PTPRT: variants seen among roughly 807,000 people sequenced by gnomAD.
The protein encoded by PTPRT is protein tyrosine phosphatase receptor type T, also known as receptor-type tyrosine-protein phosphatase T.
Under a neutral mutation model 176.8 loss-of-function variants are expected in PTPRT, and 56 were observed. The ratio of observed to expected loss-of-function variants is 0.32; its 90% confidence interval spans 0.26 to 0.40. The LOEUF is 0.40. PTPRT is among the 10% of genes least tolerant of loss of function. PTPRT has a pLI of 1.00. For synonymous variants in PTPRT, 783 were observed against 739.0 expected (o/e 1.06, Z -0.96); for missense variants, 1,540 against 1,908.2 (o/e 0.81, Z 3.60).
chr20:42,167,619 G>T (rs1480859103), intron 16 of PTPRT, among the ~76,000 whole-genome samples: 1 of 152,218 alleles, frequency 6.6e-6, no homozygotes, highest in African/African-American at 2.4e-5. Context: ...GCTAGCGACT[G>T]CTCATTGAGA....
chr20:42,576,379 C>T (rs766969158), intron 7 of PTPRT, among the ~76,000 whole-genome samples: 16 of 152,190 alleles, frequency 1.1e-4, no homozygotes, highest in Admixed American at 8.5e-4. Flanking sequence ...AACATATCTA[C>T]GCCTTGCAGC....
intron 7 of PTPRT, among the ~76,000 whole-genome samples, chr20:42,661,947 T>A (rs191926257): frequency 6.6e-6 from 1 of 152,190 alleles, no homozygotes; most frequent in Admixed American, 6.5e-5. Flanking sequence ...AGGGTGCCCT[T>A]GGCTTCCTCT....
chr20:42,738,151 T>C (rs1195478538), intron 6 of PTPRT, among the ~76,000 whole-genome samples: 1 of 152,144 alleles, frequency 6.6e-6, no homozygotes, highest in Non-Finnish European at 1.5e-5. Flanking sequence ...GACTTGCTTT[T>C]GAGCCGTAAA....
the PTPRT span, among the ~76,000 whole-genome samples, chr20:42,056,931 C>G: frequency 2.0e-5 from 3 of 152,176 alleles, no homozygotes; most frequent in African/African-American, 7.2e-5. Flanking sequence ...TGACTTCCTT[C>G]GGTTACTGAG....
In PTPRT at chr20:42,856,006, C is replaced by T. The variant is rs148649083; in HGVS notation, c.214+29801G>A. On this transcript the variant is annotated intron_variant, in intron 2 of 30. Coordinates refer to ENST00000373187, the MANE Select transcript of PTPRT (RefSeq NM_007050.6). ...AAATGAATGGGTTTAGAAAAACAAA[C>T]GACAAAAGTCCATGAAACAGAAGGA... Among the ~76,000 whole-genome samples the T allele has an allele frequency of 2.0e-4, 30 of 152,102 alleles. No homozygotes were observed. In the East Asian group the frequency reaches 4.1e-3, roughly 21 times the overall value.
chr20:42,342,400 G>A (rs186634352), intron 11 of PTPRT, among the ~76,000 whole-genome samples: 1 of 152,324 alleles, frequency 6.6e-6, no homozygotes, highest in Non-Finnish European at 1.5e-5. Context: ...CCCAGGTTAT[G>A]TCTGGGTATC....
intron 6 of PTPRT, among the ~76,000 whole-genome samples, chr20:42,749,679 C>T (rs1229434943): frequency 6.6e-6 from 1 of 152,212 alleles, no homozygotes; most frequent in Non-Finnish European, 1.5e-5. Flanking sequence ...CTAACATTAA[C>T]TGACCATGCA....
Position 42,462,404 on chromosome 20 carries a change from AGGAAATCAGAT to A in PTPRT, c.1450+9851_1450+9861del, listed in dbSNP as rs79802084. ...ACGGAAGGAAAGACCTAGCACAGGCAGGAAATCAGATGGAGCTAGGGTTGTGAATAGCTGGA... is the reference window on the plus strand; with the variant it reads ...ACGGAAGGAAAGACCTAGCACAGGCAGGAGCTAGGGTTGTGAATAGCTGGA... On this transcript the variant is annotated intron_variant, in intron 8 of 30. Transcript: ENST00000373187. 8.7e-3 allele frequency among the ~76,000 whole-genome samples: 1,322 copies of A among 152,332 alleles called. 11 individuals are homozygous for A. Among genetic ancestry groups the A allele is most frequent in the Middle Eastern group, 0.014 (4 of 294 alleles).
chr20:42,801,223 G>A (rs1203268270), intron 2 of PTPRT, among the ~76,000 whole-genome samples: 1 of 152,164 alleles, frequency 6.6e-6, no homozygotes, highest in African/African-American at 2.4e-5. Flanking sequence ...AGCCCATGCT[G>A]CAAGCACTGA....
At chr20:43,082,795 T>C (rs993917402) in intron 1 of PTPRT, among the ~76,000 whole-genome samples, 4 of 152,154 alleles carry the variant, frequency 2.6e-5, no homozygotes, top group Non-Finnish European at 5.9e-5. Context: ...AGTTGTCTTA[T>C]CTGAGTTCCT....
chr20:43,023,649 C>A (rs1453737421), intron 1 of PTPRT, among the ~76,000 whole-genome samples: 1 of 152,192 alleles, frequency 6.6e-6, no homozygotes, highest in Non-Finnish European at 1.5e-5. Flanking sequence ...AGGCAGAGAG[C>A]TGCCTGAGCA....
intron 7 of PTPRT, among the ~76,000 whole-genome samples, chr20:42,646,402 C>A (rs2074900785): frequency 6.6e-6 from 1 of 152,100 alleles, no homozygotes; most frequent in African/African-American, 2.4e-5. Context: ...TGCTTTCCTG[C>A]TACAACAGAA....
intron 7 of PTPRT, among the ~76,000 whole-genome samples, chr20:42,568,538 C>G (rs933476616): frequency 6.6e-6 from 1 of 152,184 alleles, no homozygotes; most frequent in Admixed American, 6.5e-5. Context: ...CCAGGCTGTG[C>G]TAAGAACTGT....
chr20:42,842,920 T>G (rs1299249768), intron 2 of PTPRT, among the ~76,000 whole-genome samples: 1 of 152,190 alleles, frequency 6.6e-6, no homozygotes, highest in Non-Finnish European at 1.5e-5. Flanking sequence ...CATGACTTAA[T>G]CACCTCCTAA....
At chr20:42,493,668 C>T (rs1475010120) in intron 7 of PTPRT, among the ~76,000 whole-genome samples, 1 of 152,146 alleles carries the variant, frequency 6.6e-6, no homozygotes, top group African/African-American at 2.4e-5. Flanking sequence ...GATGACATTT[C>T]ACGTAGCCCC....
chr20:42,508,156 A>AT (rs113595545), intron 7 of PTPRT, among the ~76,000 whole-genome samples: 9 of 123,194 alleles, frequency 7.3e-5, no homozygotes, highest in African/African-American at 4.3e-4. Flanking sequence ...TGTGTATTAT[A>AT]TTAACATCTT....
intron 1 of PTPRT, among the ~76,000 whole-genome samples, chr20:43,132,439 A>G (rs1309268343): frequency 1.3e-5 from 2 of 152,236 alleles, no homozygotes. Context: ...GGAGGGTTTT[A>G]TCAGAGGACA....
At chr20:42,773,566 G>A (rs2867555) in intron 4 of PTPRT, among the ~76,000 whole-genome samples, 115,626 of 152,084 alleles carry the variant, frequency 0.76, 45,128 homozygotes, top group Non-Finnish European at 0.86. Flanking sequence ...CCCAAGGCCC[G>A]GGGAAAACCA....
At chr20:42,109,322 C>A (rs1185395953) in intron 23 of PTPRT, among the ~76,000 whole-genome samples, 2 of 152,030 alleles carry the variant, frequency 1.3e-5, no homozygotes, top group East Asian at 3.9e-4. Context: ...AAGAGAGAGG[C>A]GTTGGGAAGG....
Sources: allele counts gnomAD v4.1 joint callset (sites outside exome capture counted in the v4.1 genomes callset), GRCh38; gene constraint gnomAD v4.1.1; transcripts MANE v1.5; gene names NCBI Gene and HGNC (gene_info 2026-07-23, HGNC 2026-07-21).